The following CROT variants were observed in gnomAD, a reference collection of about 807,000 sequenced individuals.
CROT encodes carnitine O-octanoyltransferase.
CROT carries 84 observed loss-of-function variants against 89.2 expected under a neutral mutation model. The observed-to-expected ratio is 0.94, with a 90% CI of 0.79 to 1.13. CROT has a LOEUF of 1.13. CROT is among the 50% of genes most tolerant of loss of function. The probability of loss-of-function intolerance (pLI) is 0.00; values close to 1 mark genes in which losing one functional copy is unlikely to be tolerated. For synonymous variants in CROT, 212 were observed against 239.5 expected (o/e 0.89, Z 1.06); for missense variants, 711 against 727.8 (o/e 0.98, Z 0.27).
chr7:87,382,648 C>T, intron 13 of CROT, 105 bp downstream of exon 13: 1 of 1,162,938 alleles, frequency 8.6e-7, no homozygotes, highest in Non-Finnish European at 1.2e-6. Context: ...TCACTTTTTT[C>T]CCAGCTGGTA....
chr7:87,354,028 AGTCAGAGACTTAATTT>A (rs1331355734), intron 3 of CROT, among the ~76,000 whole-genome samples: 2 of 152,254 alleles, frequency 1.3e-5, no homozygotes, highest in East Asian at 3.8e-4. Flanking sequence ...AATAAGACTA[AGTCAGAGACTTAATTT>A]AGGATTTTGA....
At chr7:87,376,857 T>G (rs1363796780) in intron 9 of CROT, among the ~76,000 whole-genome samples, 1 of 152,134 alleles carries the variant, frequency 6.6e-6, no homozygotes, top group Admixed American at 6.6e-5. Flanking sequence ...ATATTTCCAG[T>G]CTATTTTATT....
chr7:87,390,847 T>C (rs1346108990), intron 13 of CROT, among the ~76,000 whole-genome samples: 1 of 152,252 alleles, frequency 6.6e-6, no homozygotes, highest in East Asian at 1.9e-4. Context: ...CACATACTTT[T>C]TTATATCACA....
At chr7:87,350,808 T>C (rs1306385610) in intron 3 of CROT, among the ~76,000 whole-genome samples, 2 of 152,220 alleles carry the variant, frequency 1.3e-5, no homozygotes, top group Non-Finnish European at 2.9e-5. Flanking sequence ...TGGAAGTGGC[T>C]GGTGTCATGT....
At chr7:87,355,310 G>A (rs1221919799) in intron 3 of CROT, among the ~76,000 whole-genome samples, 1 of 151,956 alleles carries the variant, frequency 6.6e-6, no homozygotes, top group Admixed American at 6.6e-5. Flanking sequence ...ATGTTGCCCA[G>A]GCTGGTCTTG....
intron 13 of CROT, among the ~76,000 whole-genome samples, chr7:87,384,078 G>A (rs958873602): frequency 3.9e-5 from 6 of 152,026 alleles, no homozygotes; most frequent in African/African-American, 1.5e-4. Flanking sequence ...ATCTTTGCTA[G>A]CATCTGTTAT....
chr7:87,382,306 A>T, intron 12 of CROT, 107 bp from the exon 13 acceptor site: 2 of 1,436,226 alleles, frequency 1.4e-6, no homozygotes, highest in Non-Finnish European at 1.9e-6. Flanking sequence ...TAACACCTTT[A>T]ATTCTTTATG....
intron 5 of CROT, 73 bp downstream of exon 5, chr7:87,361,644 T>A: frequency 6.5e-7 from 1 of 1,528,856 alleles, no homozygotes; most frequent in Non-Finnish European, 8.8e-7. Flanking sequence ...AAGCTTAATT[T>A]ACTTATTTGG....
At chr7:87,352,220 T>C (rs951328495) in intron 3 of CROT, among the ~76,000 whole-genome samples, 1 of 152,226 alleles carries the variant, frequency 6.6e-6, no homozygotes, top group Non-Finnish European at 1.5e-5. Flanking sequence ...TAAAAACTTA[T>C]TTATTTTAGT....
At chr7:87,391,825 T>C (rs1170910905) in intron 14 of CROT, 113 bp downstream of exon 14, 2 of 1,046,598 alleles carry the variant, frequency 1.9e-6, no homozygotes, top group African/African-American at 3.4e-5. Flanking sequence ...ATTAAAATAC[T>C]TTGAGACATC....
In CROT at chr7:87,349,144, C is replaced by G. The variant is rs371392044; in HGVS notation, c.76C>G (p.Pro26Ala). 3 of 1,601,726 alleles carry G rather than the reference C, an allele frequency of 1.9e-6. No homozygotes were observed. The highest frequency in any genetic ancestry group is 1.3e-5 in the African/African-American group (1 of 74,556). Residue 26 changes from proline (P) to alanine (A), a missense_variant, in exon 3 of 18, where the codon CCT (proline) becomes GCT (alanine). Coordinates refer to ENST00000331536, the MANE Select transcript of CROT (RefSeq NM_021151.4). Reference protein sequence around the residue: ...YQDSLPSLPVPSLEESLKKYL... With the variant: ...YQDSLPSLPVASLEESLKKYL... ...GGATTCTCTTCCATCACTGCCTGTTCCTTCACTTGAAGAATCATTAAAAAA... is the reference window on the plus strand; with the variant it reads ...GGATTCTCTTCCATCACTGCCTGTTGCTTCACTTGAAGAATCATTAAAAAA...
chr7:87,375,691 C>T lies in CROT; in HGVS notation c.716C>T (p.Ala239Val). Residue 239 changes from alanine to valine, a missense_variant, in exon 8 of 18, where the codon GCA becomes GTA. Physicochemically the swap from Ala to Val is moderately conservative, Grantham distance 64. Coordinates refer to ENST00000331536, the MANE Select transcript of CROT (RefSeq NM_021151.4). ...HSEPDGPGIA[A>V]LTSEERTRWA... Reference sequence around the variant, plus strand: ...GAACCTGATGGACCTGGGATTGCAGCATTAACTAGTGAGGAGCGAACTCGA... The same window carrying T: ...GAACCTGATGGACCTGGGATTGCAGTATTAACTAGTGAGGAGCGAACTCGA... 6.2e-7 allele frequency: 1 copy of T among 1,613,628 alleles called. No individual in the cohort carries two copies. The highest frequency in any genetic ancestry group is 2.2e-5 in the East Asian group (1 of 44,864).
intron 5 of CROT, 60 bp downstream of exon 5, chr7:87,361,631 G>T: frequency 2.0e-6 from 3 of 1,534,136 alleles, no homozygotes; most frequent in Non-Finnish European, 2.6e-6. Flanking sequence ...GCAAAATGTT[G>T]AGAAGCTTAA....
intron 10 of CROT, among the ~76,000 whole-genome samples, chr7:87,379,027 C>T (rs1020674254): frequency 1.3e-5 from 2 of 152,200 alleles, no homozygotes; most frequent in Non-Finnish European, 2.9e-5. Context: ...TTAATTGCCT[C>T]AGTTTTCTTC....
chr7:87,396,727 A>G (rs1807538453), intron 17 of CROT, among the ~76,000 whole-genome samples: 1 of 152,166 alleles, frequency 6.6e-6, no homozygotes, highest in African/African-American at 2.4e-5. Context: ...AAACTACATA[A>G]GAACAAAGTT....
At chr7:87,353,144 C>G (rs1409443608) in intron 3 of CROT, among the ~76,000 whole-genome samples, 1 of 151,768 alleles carries the variant, frequency 6.6e-6, no homozygotes, top group East Asian at 1.9e-4. Context: ...GATTTTTTTT[C>G]TTTTATTTTT....
chr7:87,374,688 AGGG>A (rs940028525), intron 7 of CROT, among the ~76,000 whole-genome samples: 1 of 152,002 alleles, frequency 6.6e-6, no homozygotes, highest in Non-Finnish European at 1.5e-5. Context: ...GCAAATAACA[AGGG>A]GGGAATTTTT....
chr7:87,367,408 T>C (rs1043268536), intron 6 of CROT, among the ~76,000 whole-genome samples: 14 of 152,234 alleles, frequency 9.2e-5, no homozygotes, highest in African/African-American at 2.7e-4. Context: ...ACAGCCCTGA[T>C]GGCACCTTCA....
chr7:87,348,571 G>T (rs149326671), intron 2 of CROT, among the ~76,000 whole-genome samples: 6 of 152,208 alleles, frequency 3.9e-5, no homozygotes, highest in Admixed American at 3.9e-4. Context: ...TTTACTGCAG[G>T]TTCCCTTACC....
Sources: allele counts gnomAD v4.1 joint callset (sites outside exome capture counted in the v4.1 genomes callset), GRCh38; gene constraint gnomAD v4.1.1; transcripts MANE v1.5; gene names NCBI Gene and HGNC (gene_info 2026-07-23, HGNC 2026-07-21).